The following SGCZ variants were observed in gnomAD, a reference collection of about 807,000 sequenced individuals.
SGCZ encodes the protein sarcoglycan zeta, also known as zeta-sarcoglycan.
In SGCZ, 40 loss-of-function variants were observed where a neutral mutation model predicts 41.3. That is an observed-to-expected ratio of 0.97 (90% CI 0.75 to 1.26). SGCZ has a LOEUF of 1.26. SGCZ is among the 50% of genes most tolerant of loss of function. The pLI is 0.00. For synonymous variants in SGCZ, 206 were observed against 137.5 expected, an observed-to-expected ratio of 1.50 and a Z score of -3.49; for missense variants, 552 against 369.8, an observed-to-expected ratio of 1.49 and a Z score of -4.04.
intron 2 of SGCZ, among the ~76,000 whole-genome samples, chr8:14,440,708 TATACATAC>T (rs1239973400): frequency 5.9e-5 from 8 of 136,024 alleles, no homozygotes; most frequent in African/African-American, 1.1e-4. Flanking sequence ...TATATATGTA[TATACATAC>T]GTATACACGT....
chr8:14,946,722 C>T (rs1376052703), intron 1 of SGCZ, among the ~76,000 whole-genome samples: 2 of 146,390 alleles, frequency 1.4e-5, no homozygotes, highest in Non-Finnish European at 3.0e-5. Flanking sequence ...GTTGCCCAGG[C>T]TGGAGTGCAG....
chr8:14,240,398 G>A (rs1312888698), intron 3 of SGCZ, among the ~76,000 whole-genome samples: 2 of 149,034 alleles, frequency 1.3e-5, no homozygotes, highest in Admixed American at 6.7e-5. Flanking sequence ...ATCTTTGTTT[G>A]CAACATAGCA....
intron 1 of SGCZ, among the ~76,000 whole-genome samples, chr8:15,166,792 G>A (rs1294573817): frequency 2.6e-5 from 4 of 152,094 alleles, no homozygotes; most frequent in African/African-American, 9.7e-5. Context: ...CCTCTTCAAG[G>A]GTGGTTTATA....
At chr8:14,426,753 G>C (rs537855356) in intron 2 of SGCZ, among the ~76,000 whole-genome samples, 1 of 152,200 alleles carries the variant, frequency 6.6e-6, no homozygotes, top group East Asian at 1.9e-4. Flanking sequence ...GTAATAAAAA[G>C]TGTATGCTGA....
chr8:14,838,711 G>A (rs1802791622), intron 1 of SGCZ, among the ~76,000 whole-genome samples: 1 of 152,108 alleles, frequency 6.6e-6, no homozygotes, highest in Non-Finnish European at 1.5e-5. Flanking sequence ...ACGGCTTGGT[G>A]TGCCATGACT....
rs943268303 is a variant in SGCZ, at chr8:14,823,916, G to A, written c.40-268990C>T. Among the ~76,000 whole-genome samples, 2 of 152,138 alleles carry A rather than the reference G, an allele frequency of 1.3e-5. 1 individual carries two copies. The highest frequency in any genetic ancestry group is 4.8e-5 in the African/African-American group (2 of 41,496). ...CAGCTTTAAAAAGGAATTAAATTCTGTCACTTGCAACAACATGGATGAACA... is the reference window on the plus strand; with the variant it reads ...CAGCTTTAAAAAGGAATTAAATTCTATCACTTGCAACAACATGGATGAACA... On this transcript the variant is annotated intron_variant, in intron 1 of 7. Coordinates refer to ENST00000382080, the MANE Select transcript of SGCZ (RefSeq NM_139167.4).
intron 1 of SGCZ, among the ~76,000 whole-genome samples, chr8:14,564,652 G>A (rs546348783): frequency 2.0e-4 from 31 of 152,256 alleles, no homozygotes; most frequent in African/African-American, 6.7e-4. Context: ...TACTGTAGAA[G>A]TATTTTTATT....
At chr8:14,560,743 C>A (rs1342415897) in intron 1 of SGCZ, among the ~76,000 whole-genome samples, 2 of 151,716 alleles carry the variant, frequency 1.3e-5, no homozygotes, top group African/African-American at 4.8e-5. Flanking sequence ...TGTCTTTCAG[C>A]AATAAGATTG....
rs566502274 is a variant in SGCZ at position 14,567,684 on chromosome 8, A to G, written c.40-12758T>C. Among the ~76,000 whole-genome samples, 8 of 152,254 alleles carry G rather than the reference A, an allele frequency of 5.3e-5. No homozygotes were observed. The South Asian group carries it at 1.2e-3, about 24-fold the overall frequency. On this transcript the variant is annotated intron_variant, in intron 1 of 7. Coordinates refer to ENST00000382080, the MANE Select transcript of SGCZ (RefSeq NM_139167.4). The stretch of plus-strand genomic sequence containing the variant: ...TTCGCTCTTTGCAATAAGTCTTGAT[A>G]CTGCTCACTCTTTGGGTGCACACTG...
intron 1 of SGCZ, among the ~76,000 whole-genome samples, chr8:14,640,649 GGTGTGTGT>G (rs3068698): frequency 1.6e-4 from 24 of 149,946 alleles, no homozygotes; most frequent in East Asian, 4.0e-4. Context: ...TATATATAGG[GGTGTGTGT>G]GTGTGTGTGT....
chr8:14,454,794 T>C (rs1205511358), intron 2 of SGCZ, among the ~76,000 whole-genome samples: 1 of 152,162 alleles, frequency 6.6e-6, no homozygotes, highest in African/African-American at 2.4e-5. Flanking sequence ...GAGGAGCTTT[T>C]AACGGAGGGT....
intron 1 of SGCZ, among the ~76,000 whole-genome samples, chr8:15,127,998 G>C (rs190636389): frequency 2.0e-5 from 3 of 152,220 alleles, no homozygotes; most frequent in South Asian, 4.1e-4. Flanking sequence ...AAAGAATATA[G>C]TACGGAAATA....
chr8:14,835,664 T>A (rs948750291), intron 1 of SGCZ, among the ~76,000 whole-genome samples: 1 of 152,214 alleles, frequency 6.6e-6, no homozygotes, highest in Admixed American at 6.5e-5. Context: ...CATTTATCAT[T>A]ACTTATGTTT....
intron 1 of SGCZ, among the ~76,000 whole-genome samples, chr8:14,976,224 T>C (rs1045990844): frequency 4.6e-5 from 7 of 151,844 alleles, no homozygotes; most frequent in Non-Finnish European, 1.0e-4. Flanking sequence ...GGTTTCACCA[T>C]GTTGGCCAGG....
intron 2 of SGCZ, among the ~76,000 whole-genome samples, chr8:14,453,929 C>T (rs1424631144): frequency 1.3e-5 from 2 of 152,026 alleles, no homozygotes; most frequent in African/African-American, 2.4e-5. Context: ...AATGATTTAA[C>T]ATAAATTACC....
In SGCZ at chr8:15,114,134, C is replaced by T. The variant is rs78693613; in HGVS notation, c.39+123451G>A. Among the ~76,000 whole-genome samples the T allele has an allele frequency of 5.1e-3, 778 of 152,290 alleles. 8 individuals carry two copies. Among genetic ancestry groups the T allele is most frequent in the African/African-American group, 0.018 (759 of 41,562 alleles). The stretch of plus-strand genomic sequence containing the variant: ...TTAATGTAACCCTCATCTAATCTGT[C>T]ATTCTAACTTGCATCCGAATATATT... On this transcript the variant is annotated intron_variant, in intron 1 of 7. Transcript: ENST00000382080.
chr8:14,464,341 GTCTT>G (rs770697180), intron 2 of SGCZ, among the ~76,000 whole-genome samples: 3 of 151,100 alleles, frequency 2.0e-5, no homozygotes, highest in Non-Finnish European at 4.4e-5. Flanking sequence ...TTGTGATTTT[GTCTT>G]TCTATGAAGT....
At chr8:14,264,376 C>A (rs1284558428) in intron 3 of SGCZ, among the ~76,000 whole-genome samples, 1 of 152,128 alleles carries the variant, frequency 6.6e-6, no homozygotes, top group Admixed American at 6.5e-5. Flanking sequence ...GTGCCTCACT[C>A]TAGGCTGGTT....
intron 3 of SGCZ, among the ~76,000 whole-genome samples, chr8:14,272,234 C>A (rs992090721): frequency 6.6e-6 from 1 of 152,184 alleles, no homozygotes; most frequent in African/African-American, 2.4e-5. Flanking sequence ...TAACTCCTGA[C>A]CCCAAGGAAT....
Sources: gnomAD v4.1 joint callset for allele counts (sites outside exome capture counted in the v4.1 genomes callset) on GRCh38, gnomAD v4.1.1 for gene constraint, MANE v1.5 for transcripts, NCBI Gene and HGNC (gene_info 2026-07-23, HGNC 2026-07-21) for gene names.